Variants in ZBED5 observed in about 807,000 individuals in gnomAD.
ZBED5 encodes the protein zinc finger BED-type containing 5.
Under a neutral mutation model 49.2 loss-of-function variants are expected in ZBED5, and 29 were observed. That is an observed-to-expected ratio of 0.59 (90% CI 0.44 to 0.80). ZBED5 has a LOEUF of 0.80. ZBED5 is among the 30% of genes least tolerant of loss of function. The pLI is 0.00. For missense variants in ZBED5, 775 were observed against 812.9 expected (o/e 0.95, Z 0.57); for synonymous variants, 281 against 292.5 (o/e 0.96, Z 0.40).
At position 10,857,534 on chromosome 11, in the gene ZBED5, C is replaced by T. The variant is rs1447000625; in HGVS notation, c.-256+328G>A. The T allele has an allele frequency of 1.3e-5, 2 of 152,400 alleles. No homozygotes were observed. The highest frequency in any genetic ancestry group is 4.8e-5 in the African/African-American group (2 of 41,462). 9.4% of individuals were successfully genotyped at this position (152,400 alleles called of 1,614,324 possible). A position where few individuals can be genotyped will look rare whatever the true frequency, so the allele number is the denominator to read the frequency against. Reference sequence around the variant, plus strand: ...TGTGCAGCCAGGGCCAACTATCCCTCAGCTCCTCCCTGTCACAGGTGCGCG... The same window carrying T: ...TGTGCAGCCAGGGCCAACTATCCCTTAGCTCCTCCCTGTCACAGGTGCGCG... On this transcript the variant is annotated intron_variant, in intron 1 of 2. Transcript: ENST00000413761. The surrounding 1 kb of genome is among the most constrained non-coding windows in gnomAD (Gnocchi z 6.3).
Position 10,853,118 on chromosome 11 carries a change from C to T in ZBED5, c.1828G>A (p.Glu610Lys). ...CTCCAAAAATCATTTAGTGAAAGTTCACTAAAATTTTGCTTCACTTGAGAA... is the reference window on the plus strand; with the variant it reads ...CTCCAAAAATCATTTAGTGAAAGTTTACTAAAATTTTGCTTCACTTGAGAA... ...SDSQVKQNFS[E>K]LSLNDFWSSL... Residue 610 changes from glutamate (E) to lysine (K), a missense_variant, in exon 3 of 3, where the codon GAA (glutamate) becomes AAA (lysine). Transcript: ENST00000413761. The surrounding 1 kb of genome is among the most constrained non-coding windows in gnomAD (Gnocchi z 5.4). 1 of 1,551,594 alleles carries T rather than the reference C, an allele frequency of 6.4e-7. No homozygotes were observed. Among genetic ancestry groups the T allele is most frequent in the Non-Finnish European group, 8.7e-7 (1 of 1,146,958 alleles).
rs376050560 is a variant in ZBED5 at position 10,854,926 on chromosome 11, C to T, written c.20G>A (p.Cys7Tyr). The part of the protein sequence containing the change: MIAPLL[C>Y]ILSYNFNTFA... ...TGTGTTGAAATTATAAGACAGGATA[C>T]AAAGAAGAGGAGCAATCATCAAAGA... Residue 7 changes from cysteine (C) to tyrosine (Y), a missense_variant, in exon 3 of 3, where the codon TGT becomes TAT. Transcript: ENST00000413761. The surrounding 1 kb of genome is among the most constrained non-coding windows in gnomAD (Gnocchi z 5.0). 1.3e-6 allele frequency: 2 copies of T among 1,549,716 alleles called. No homozygotes were observed. Among genetic ancestry groups the T allele is most frequent in the Non-Finnish European group, 1.7e-6 (2 of 1,145,664 alleles).
rs1848160478 is a variant in ZBED5, at chr11:10,854,924, T to A, written c.22A>T (p.Ile8Phe). ...AATGTGTTGAAATTATAAGACAGGA[T>A]ACAAAGAAGAGGAGCAATCATCAAA... MIAPLLCILSYNFNTFAI... is the reference protein window; with the variant it reads MIAPLLCFLSYNFNTFAI... Residue 8 changes from isoleucine to phenylalanine, a missense_variant, in exon 3 of 3, where the codon ATC becomes TTC. Coordinates refer to ENST00000413761, the MANE Select transcript of ZBED5 (RefSeq NM_001143667.2). The surrounding 1 kb of genome is among the most constrained non-coding windows in gnomAD (Gnocchi z 5.0). 6.5e-7 allele frequency: 1 copy of A among 1,549,976 alleles called. No individual in the cohort carries two copies. Among genetic ancestry groups the A allele is most frequent in the Non-Finnish European group, 8.7e-7 (1 of 1,145,784 alleles).
Position 10,853,114 on chromosome 11 carries a change from A to C in ZBED5, c.1832T>G (p.Leu611Arg), listed in dbSNP as rs780011941. Reference sequence around the variant, plus strand: ...GCTACTCCAAAAATCATTTAGTGAAAGTTCACTAAAATTTTGCTTCACTTG... The same window carrying C: ...GCTACTCCAAAAATCATTTAGTGAACGTTCACTAAAATTTTGCTTCACTTG... Reference protein sequence around the residue: ...DSQVKQNFSELSLNDFWSSLI... With the variant: ...DSQVKQNFSERSLNDFWSSLI... Residue 611 changes from leucine to arginine, a missense_variant, in exon 3 of 3, where the codon CTT becomes CGT. Transcript: ENST00000413761. The surrounding 1 kb of genome is among the most constrained non-coding windows in gnomAD (Gnocchi z 5.4). The C allele has an allele frequency of 1.2e-5, 19 of 1,551,536 alleles. No individual in the cohort carries two copies. Among genetic ancestry groups the C allele is most frequent in the Non-Finnish European group, 1.5e-5 (17 of 1,146,970 alleles).
In ZBED5 at chr11:10,854,930, G is replaced by A. The variant is rs1052967045; in HGVS notation, c.16C>T (p.Leu6Phe). 1 of 1,549,294 alleles carries A rather than the reference G, an allele frequency of 6.5e-7. No individual in the cohort carries two copies. ...TTGAAATTATAAGACAGGATACAAAGAAGAGGAGCAATCATCAAAGAGATG... is the reference window on the plus strand; with the variant it reads ...TTGAAATTATAAGACAGGATACAAAAAAGAGGAGCAATCATCAAAGAGATG... MIAPL[L>F]CILSYNFNTF... The change falls in exon 3 of 3, where the codon CTT becomes TTT. Residue 6 changes from leucine (L) to phenylalanine (F), a missense_variant. Physicochemically the swap from Leu to Phe is conservative, Grantham distance 22. Transcript: ENST00000413761. The surrounding 1 kb of genome is among the most constrained non-coding windows in gnomAD (Gnocchi z 5.0).
In ZBED5 at chr11:10,857,830, C is replaced by A. The variant is rs550204639; in HGVS notation, c.-256+32G>T. The stretch of plus-strand genomic sequence containing the variant: ...AGGAAGCGGCCATTTCAGAGCGCAC[C>A]GCTTAGCCGCGGCGGCGGCTCTGCT... On this transcript the variant is annotated intron_variant, in intron 1 of 2. Transcript: ENST00000413761. This position sits in a 1 kb window ranked among gnomAD's most constrained non-coding sequence, Gnocchi z 6.3. 2 of 152,774 alleles carry A rather than the reference C, an allele frequency of 1.3e-5. No homozygotes were observed. The highest frequency in any genetic ancestry group is 3.8e-4 in the East Asian group (2 of 5,204). The allele number at this position is 152,774 out of a possible 1,614,324, so 9.5% of individuals were successfully genotyped here. A position where few individuals can be genotyped will look rare whatever the true frequency, so the allele number is the denominator to read the frequency against.
In ZBED5 at chr11:10,854,879, A is replaced by G; in HGVS notation, c.67T>C (p.Ser23Pro). The G allele has an allele frequency of 6.4e-7, 1 of 1,551,770 alleles. No homozygotes were observed. The highest frequency in any genetic ancestry group is 1.4e-5 in the African/African-American group (1 of 73,172). Residue 23 changes from serine (S) to proline (P), a missense_variant, in exon 3 of 3, where the codon TCT (serine) becomes CCT (proline). Transcript: ENST00000413761. The surrounding 1 kb of genome is among the most constrained non-coding windows in gnomAD (Gnocchi z 5.0). Reference protein sequence around the residue: ...FNTFAILNVYSKLTMFCTTNS... With the variant: ...FNTFAILNVYPKLTMFCTTNS... ...GTGGTACAAAACATGGTTAATTTAG[A>G]ATAGACATTGAGTATCGCAAATGTG...
rs1242901177 is a variant in ZBED5 at position 10,853,283 on chromosome 11, C to T, written c.1663G>A (p.Gly555Ser). ...TATTTTAACAGAGTAGCGCGCAAACCCCTTAGGTGCTGCACAATGGCACTG... is the reference window on the plus strand; with the variant it reads ...TATTTTAACAGAGTAGCGCGCAAACTCCTTAGGTGCTGCACAATGGCACTG... Reference protein sequence around the residue: ...ICSAIVQHLRGLRATLLKYFP... With the variant: ...ICSAIVQHLRSLRATLLKYFP... Residue 555 changes from glycine (G) to serine (S), a missense_variant, in exon 3 of 3, where the codon GGT becomes AGT. Gly to Ser is a moderately conservative substitution (Grantham distance 56). Transcript: ENST00000413761. This position sits in a 1 kb window ranked among gnomAD's most constrained non-coding sequence, Gnocchi z 5.4. 1.3e-6 allele frequency: 2 copies of T among 1,551,526 alleles called. No homozygotes were observed. The highest frequency in any genetic ancestry group is 1.7e-6 in the Non-Finnish European group (2 of 1,146,934).
rs1248347582 is a variant in ZBED5 at position 10,853,398 on chromosome 11, G to C, written c.1548C>G (p.Ala516=). 1 of 1,549,810 alleles carries C rather than the reference G, an allele frequency of 6.5e-7. No individual in the cohort carries two copies. Among genetic ancestry groups the C allele is most frequent in the South Asian group, 1.2e-5 (1 of 83,784 alleles). Residue 516 remains alanine, a synonymous_variant, in exon 3 of 3, where the codon GCC becomes GCG. Coordinates refer to ENST00000413761, the MANE Select transcript of ZBED5 (RefSeq NM_001143667.2). The surrounding 1 kb of genome is among the most constrained non-coding windows in gnomAD (Gnocchi z 5.4). ...SSLLRKLEFW[A]SSVEEENFDC... ...CAAAGTTTTCTTCTTCTACAGATGA[G>C]GCCCAAAATTCCAATTTTCTTAACA...
At position 10,858,042 on chromosome 11, in the gene ZBED5, G is replaced by A. The variant is rs1848210003; in HGVS notation, c.-436C>T. ...TAGAGATCCGATTCGCGGCTGGCGC[G>A]GTCGCCGGTCTGAAGATAAATTTAG... is the stretch of plus-strand genomic sequence containing the variant. On this transcript the variant is annotated 5_prime_UTR_variant, in exon 1 of 3. Transcript: ENST00000413761. The A allele has an allele frequency of 3.0e-6, 1 of 331,344 alleles. No homozygotes were observed. Among genetic ancestry groups the A allele is most frequent in the Middle Eastern group, 7.9e-4 (1 of 1,264 alleles). 20.5% of individuals were successfully genotyped at this position (331,344 alleles called of 1,614,324 possible). A position where few individuals can be genotyped will look rare whatever the true frequency, so the allele number is the denominator to read the frequency against.
At position 10,854,054 on chromosome 11, in the gene ZBED5, T is replaced by G; in HGVS notation, c.892A>C (p.Asn298His). 1 of 1,551,382 alleles carries G rather than the reference T, an allele frequency of 6.4e-7. No individual in the cohort carries two copies. ...AGTAGGTCTTCCTCAATAGACTTAT[T>G]AAACCTATAACGAACAAACACAAGC... ...VLLVFVRYRF[N>H]KSIEEDLLLC... The change falls in exon 3 of 3, where the codon AAT (asparagine) becomes CAT (histidine). Residue 298 changes from asparagine to histidine, a missense_variant. Transcript: ENST00000413761. The surrounding 1 kb of genome is among the most constrained non-coding windows in gnomAD (Gnocchi z 5.0).
At position 10,854,235 on chromosome 11, in the gene ZBED5, T is replaced by C; in HGVS notation, c.711A>G (p.Lys237=). The change falls in exon 3 of 3, where the codon AAA becomes AAG. Residue 237 remains lysine (K), a synonymous_variant. Transcript: ENST00000413761. The surrounding 1 kb of genome is among the most constrained non-coding windows in gnomAD (Gnocchi z 5.0). ...TGTTTGATAGCTGTACTGCATCTAT[T>C]TTTTTACTATATTGTTCATCAAACA... The part of the protein sequence containing the change: ...MRMFDEQYSK[K]IDAVQLSNST... The C allele has an allele frequency of 6.4e-7, 1 of 1,550,944 alleles. No homozygotes were observed. Among genetic ancestry groups the C allele is most frequent in the Non-Finnish European group, 8.7e-7 (1 of 1,146,540 alleles).
In ZBED5 at chr11:10,853,270, G is replaced by T. The variant is rs566761669; in HGVS notation, c.1676C>A (p.Thr559Asn). 6.4e-7 allele frequency: 1 copy of T among 1,551,608 alleles called. No homozygotes were observed. The highest frequency in any genetic ancestry group is 1.2e-5 in the South Asian group (1 of 84,056). ...TGTTACAGGAAAGTATTTTAACAGA[G>T]TAGCGCGCAAACCCCTTAGGTGCTG... is the stretch of plus-strand genomic sequence containing the variant. ...IVQHLRGLRA[T>N]LLKYFPVTND... The change falls in exon 3 of 3, where the codon ACT becomes AAT. Residue 559 changes from threonine (T) to asparagine (N), a missense_variant. Thr to Asn is a moderately conservative substitution (Grantham distance 65). Coordinates refer to ENST00000413761, the MANE Select transcript of ZBED5 (RefSeq NM_001143667.2). The surrounding 1 kb of genome is among the most constrained non-coding windows in gnomAD (Gnocchi z 5.4).
chr11:10,853,635 T>G lies in ZBED5; in HGVS notation c.1311A>C (p.Arg437=). 1 of 1,551,584 alleles carries G rather than the reference T, an allele frequency of 6.4e-7. No homozygotes were observed. Among genetic ancestry groups the G allele is most frequent in the Non-Finnish European group, 8.7e-7 (1 of 1,146,932 alleles). ...LLNTEVRWLS[R]GKVLVRLFEL... ...CAAAAAGTCTTACAAGAACTTTACC[T>G]CGAGAAAGCCACCTCACCTCTGTAT... Residue 437 remains arginine, a synonymous_variant, in exon 3 of 3, where the codon CGA becomes CGC. Transcript: ENST00000413761. This position sits in a 1 kb window ranked among gnomAD's most constrained non-coding sequence, Gnocchi z 5.4.
chr11:10,854,448 G>C lies in ZBED5; in HGVS notation c.498C>G (p.Ser166Arg), dbSNP rs1336115326. The C allele has an allele frequency of 6.4e-7, 1 of 1,551,284 alleles. No individual in the cohort carries two copies. Among genetic ancestry groups the C allele is most frequent in the Admixed American group, 2.0e-5 (1 of 50,974 alleles). The change falls in exon 3 of 3, where the codon AGC (serine) becomes AGG (arginine). Residue 166 changes from serine (S) to arginine (R), a missense_variant. Physicochemically the swap from Ser to Arg is moderately radical, Grantham distance 110 (BLOSUM62 -1). Coordinates refer to ENST00000413761, the MANE Select transcript of ZBED5 (RefSeq NM_001143667.2). The surrounding 1 kb of genome is among the most constrained non-coding windows in gnomAD (Gnocchi z 5.0). ...KHAAYKDKDI[S>R]FFKQHLDSPE... Reference sequence around the variant, plus strand: ...GTGAATCGAGATGTTGCTTGAAAAAGCTTATGTCTTTGTCTTTATATGCAG... The same window carrying C: ...GTGAATCGAGATGTTGCTTGAAAAACCTTATGTCTTTGTCTTTATATGCAG...
intron 2 of ZBED5, 113 bp downstream of exon 2, chr11:10,856,031 T>C (rs916813826): frequency 6.6e-6 from 1 of 152,210 alleles, no homozygotes; most frequent in Non-Finnish European, 1.5e-5. Flanking sequence ...TCTGTCCAAA[T>C]ATAGCTACTT....
Position 10,854,677 on chromosome 11 carries a change from AC to A in ZBED5, c.268del (p.Val90SerfsTer10), listed in dbSNP as rs1291199153. 3.2e-6 allele frequency: 5 copies of A among 1,551,348 alleles called. No individual in the cohort carries two copies. The highest frequency in any genetic ancestry group is 4.4e-6 in the Non-Finnish European group (5 of 1,146,906). Reference sequence around the variant, plus strand: ...TTTGTTGGAATTGGATATAAATTTGACCCTGGAAAGCTCACCTTCTGATTTT... The same window carrying A: ...TTTGTTGGAATTGGATATAAATTTGACCTGGAAAGCTCACCTTCTGATTTT... ...SKKSEGELSR[V>X]KFISNSNKIT... is the part of the protein sequence containing the mutation. On this transcript the variant is annotated frameshift_variant, in exon 3 of 3. Transcript: ENST00000413761. LOFTEE classifies it high-confidence loss of function. This position sits in a 1 kb window ranked among gnomAD's most constrained non-coding sequence, Gnocchi z 5.0.
At position 10,853,478 on chromosome 11, in the gene ZBED5, A is replaced by T. The variant is rs1848130259; in HGVS notation, c.1468T>A (p.Ser490Thr). 1 of 1,550,922 alleles carries T rather than the reference A, an allele frequency of 6.4e-7. No individual in the cohort carries two copies. Among genetic ancestry groups the T allele is most frequent in the African/African-American group, 1.4e-5 (1 of 73,154 alleles). The stretch of plus-strand genomic sequence containing the variant: ...ACGGTCACATTTTTTCCTTGCATTG[A>T]CAAATTAACTTCATTTAATTTAGTA... ...IFTKLNEVNL[S>T]MQGKNVTVFT... is the part of the protein sequence containing the mutation. Residue 490 changes from serine to threonine, a missense_variant, in exon 3 of 3, where the codon TCA becomes ACA. Coordinates refer to ENST00000413761, the MANE Select transcript of ZBED5 (RefSeq NM_001143667.2). The surrounding 1 kb of genome is among the most constrained non-coding windows in gnomAD (Gnocchi z 5.4).
Position 10,853,583 on chromosome 11 carries a change from T to C in ZBED5, c.1363A>G (p.Met455Val). 6.4e-7 allele frequency: 1 copy of C among 1,550,748 alleles called. No homozygotes were observed. The highest frequency in any genetic ancestry group is 2.0e-5 in the Admixed American group (1 of 50,836). Residue 455 changes from methionine (M) to valine (V), a missense_variant, in exon 3 of 3, where the codon ATG (methionine) becomes GTG (valine). Physicochemically the swap from Met to Val is conservative, Grantham distance 21 (BLOSUM62 1). Transcript: ENST00000413761. The surrounding 1 kb of genome is among the most constrained non-coding windows in gnomAD (Gnocchi z 5.4). The stretch of plus-strand genomic sequence containing the variant: ...TCAGATAGTCGAAAAGCAGAATCCA[T>C]GAAAACCAAAAGTTCACGACGAAGT... ...FELRRELLVF[M>V]DSAFRLSDCL... is the part of the protein sequence containing the mutation.
Sources: gnomAD v4.1 joint callset for allele counts on GRCh38, gnomAD v4.1.1 for gene constraint, Gnocchi (gnomAD v3.1) non-coding constraint, MANE v1.5 for transcripts, NCBI Gene and HGNC (gene_info 2026-07-23, HGNC 2026-07-21) for gene names.